HS3ST5: variants seen among roughly 807,000 people sequenced by gnomAD.
HS3ST5 encodes the protein heparan sulfate-glucosamine 3-sulfotransferase 5, also known as heparan sulfate glucosamine 3-O-sulfotransferase 5.
HS3ST5 carries 10 observed loss-of-function variants against 25.4 expected under a neutral mutation model. That is an observed-to-expected ratio of 0.39 (90% CI 0.24 to 0.67). The LOEUF is 0.67. HS3ST5 is among the 30% of genes least tolerant of loss of function. The probability of loss-of-function intolerance (pLI) is 0.44; values close to 1 mark genes in which losing one functional copy is unlikely to be tolerated. For missense variants in HS3ST5, 324 were observed against 420.7 expected, an observed-to-expected ratio of 0.77 and a Z score of 2.01; for synonymous variants, 170 against 162.4, an observed-to-expected ratio of 1.05 and a Z score of -0.36.
chr6:114,282,149 T>C lies in HS3ST5; in HGVS notation c.-338-53371A>G, dbSNP rs201699754. 9.9e-5 allele frequency: 15 copies of C among 152,140 alleles called. 1 individual carries two copies. In the East Asian group the frequency reaches 2.9e-3, roughly 30 times the overall value. 9.4% of individuals were successfully genotyped at this position (152,140 alleles called of 1,614,324 possible). A position where few individuals can be genotyped will look rare whatever the true frequency, so the allele number is the denominator to read the frequency against. On this transcript the variant is annotated intron_variant, in intron 1 of 4. Coordinates refer to ENST00000312719, the MANE Select transcript of HS3ST5 (RefSeq NM_153612.4). ...AATATTTGGAAACCTGTAAGTATCT[T>C]ATGTGGAGAGACTAAGCGAAGAAAC... is the stretch of plus-strand genomic sequence containing the variant.
chr6:114,136,183 C>T (rs958501755), intron 3 of HS3ST5, among the ~76,000 whole-genome samples: 7 of 152,182 alleles, frequency 4.6e-5, no homozygotes, highest in Non-Finnish European at 7.3e-5. Flanking sequence ...TTGGCTGTGT[C>T]CCCACCTAAA....
At chr6:114,314,729 G>A (rs1049394196) in intron 1 of HS3ST5, among the ~76,000 whole-genome samples, 2 of 152,154 alleles carry the variant, frequency 1.3e-5, no homozygotes, top group South Asian at 4.1e-4. Context: ...AACTTTAGGA[G>A]TATCCTTTCA....
At chr6:114,239,575 G>A (rs935019288) in intron 1 of HS3ST5, among the ~76,000 whole-genome samples, 13 of 152,110 alleles carry the variant, frequency 8.5e-5, no homozygotes, top group African/African-American at 2.4e-4. Context: ...CAGGAGTTGC[G>A]TTTGAAACTA....
chr6:114,080,358 A>G (rs1774381732), intron 3 of HS3ST5, among the ~76,000 whole-genome samples: 1 of 152,186 alleles, frequency 6.6e-6, no homozygotes, highest in Admixed American at 6.5e-5. Context: ...TATGTTTAAA[A>G]CGCTTTTTAT....
chr6:114,098,310 A>T (rs1026612465), intron 3 of HS3ST5, among the ~76,000 whole-genome samples: 5 of 151,820 alleles, frequency 3.3e-5, no homozygotes, highest in Non-Finnish European at 7.4e-5. Flanking sequence ...AAATCAGAAG[A>T]TCAGTTAATT....
intron 3 of HS3ST5, among the ~76,000 whole-genome samples, chr6:114,139,526 C>G (rs1003369698): frequency 6.6e-6 from 1 of 152,158 alleles, no homozygotes; most frequent in African/African-American, 2.4e-5. Flanking sequence ...TAGGTATTCT[C>G]AGTAAACAGA....
intron 2 of HS3ST5, among the ~76,000 whole-genome samples, chr6:114,212,093 T>A (rs921883958): frequency 6.6e-6 from 1 of 152,212 alleles, no homozygotes. Context: ...GGGTTTGTGT[T>A]AATGGAGTCC....
intron 2 of HS3ST5, among the ~76,000 whole-genome samples, chr6:114,212,812 C>T (rs201703710): frequency 2.6e-5 from 4 of 152,096 alleles, no homozygotes; most frequent in Admixed American, 1.3e-4. Context: ...TCAAGGGACT[C>T]GAGAAAGGGG....
chr6:114,260,761 C>G (rs1773136000), intron 1 of HS3ST5, among the ~76,000 whole-genome samples: 1 of 152,354 alleles, frequency 6.6e-6, no homozygotes, highest in African/African-American at 2.4e-5. Flanking sequence ...GGGCCAGCAC[C>G]TGCAAAGGGA....
At chr6:114,317,262 A>T (rs531687035) in intron 1 of HS3ST5, among the ~76,000 whole-genome samples, 37 of 152,188 alleles carry the variant, frequency 2.4e-4, no homozygotes, top group Non-Finnish European at 4.9e-4. Context: ...ATATAGGTCA[A>T]TCTTGGAGGA....
intron 1 of HS3ST5, among the ~76,000 whole-genome samples, chr6:114,341,222 G>GCAGA (rs1776838943): frequency 2.1e-5 from 1 of 46,600 alleles, no homozygotes; most frequent in African/African-American, 1.2e-4. Context: ...GGAGAGAGGG[G>GCAGA]GAGAGAGAGA....
intron 3 of HS3ST5, among the ~76,000 whole-genome samples, chr6:114,113,586 A>AT (rs891889257): frequency 6.6e-6 from 1 of 151,908 alleles, no homozygotes; most frequent in African/African-American, 2.4e-5. Context: ...AGAAGACTTC[A>AT]TTAATGCTAG....
intron 3 of HS3ST5, among the ~76,000 whole-genome samples, chr6:114,093,089 A>G (rs552507144): frequency 6.6e-6 from 1 of 152,282 alleles, no homozygotes; most frequent in East Asian, 1.9e-4. Context: ...TGGAAGTTCA[A>G]TAACAAGTCC....
At chr6:114,257,041 C>T (rs1772958892) in intron 1 of HS3ST5, among the ~76,000 whole-genome samples, 1 of 152,096 alleles carries the variant, frequency 6.6e-6, no homozygotes, top group Non-Finnish European at 1.5e-5. Flanking sequence ...CTTATAAAAC[C>T]ATCAGATCTC....
chr6:114,306,051 TTCTGCC>T (rs1222627081), intron 1 of HS3ST5, among the ~76,000 whole-genome samples: 3 of 152,066 alleles, frequency 2.0e-5, no homozygotes, highest in Admixed American at 2.0e-4. Flanking sequence ...TACCATTGCA[TTCTGCC>T]TCTAAGAAAG....
chr6:114,327,759 T>A (rs2114904054), intron 1 of HS3ST5, among the ~76,000 whole-genome samples: 1 of 152,320 alleles, frequency 6.6e-6, no homozygotes, highest in South Asian at 2.1e-4. Context: ...GTTCTACTGA[T>A]AATGTCACAA....
intron 3 of HS3ST5, among the ~76,000 whole-genome samples, chr6:114,153,791 A>G (rs1778569883): frequency 6.6e-6 from 1 of 152,196 alleles, no homozygotes; most frequent in Non-Finnish European, 1.5e-5. Context: ...CACCTTATTA[A>G]TAACTACTAT....
chr6:114,212,384 C>T (rs1781545007), intron 2 of HS3ST5, among the ~76,000 whole-genome samples: 1 of 152,196 alleles, frequency 6.6e-6, no homozygotes. Flanking sequence ...TTCTCACTTG[C>T]TGCCCCAGAG....
intron 3 of HS3ST5, among the ~76,000 whole-genome samples, chr6:114,147,060 C>T (rs1438118004): frequency 6.6e-6 from 1 of 152,158 alleles, no homozygotes; most frequent in Non-Finnish European, 1.5e-5. Context: ...GGAGATTATA[C>T]TGCATTATCC....
Sources: gnomAD v4.1 joint callset for allele counts (sites outside exome capture counted in the v4.1 genomes callset) on GRCh38, gnomAD v4.1.1 for gene constraint, MANE v1.5 for transcripts, NCBI Gene and HGNC (gene_info 2026-07-23, HGNC 2026-07-21) for gene names.